The following BICD1 variants were observed in gnomAD, a reference collection of about 807,000 sequenced individuals.
BICD1 encodes the protein protein bicaudal D homolog 1.
BICD1 carries 35 observed loss-of-function variants against 92.5 expected under a neutral mutation model. That is an observed-to-expected ratio of 0.38 (90% CI 0.29 to 0.50). The LOEUF (loss-of-function observed/expected upper bound fraction) is 0.50. BICD1 is among the 20% of genes least tolerant of loss of function. The pLI is 0.93. For synonymous variants in BICD1, 429 were observed against 465.1 expected (o/e 0.92, Z 1.00); for missense variants, 950 against 1,189.8 (o/e 0.80, Z 2.97).
At chr12:32,243,169 C>T (rs1169374426) in intron 2 of BICD1, among the ~76,000 whole-genome samples, 2 of 151,422 alleles carry the variant, frequency 1.3e-5, no homozygotes, top group African/African-American at 4.9e-5. Context: ...ACGATCTTGG[C>T]TCACTGCAAC....
At chr12:32,218,601 A>G (rs376838407) in intron 2 of BICD1, among the ~76,000 whole-genome samples, 21 of 152,318 alleles carry the variant, frequency 1.4e-4, no homozygotes, top group Non-Finnish European at 2.2e-4. Context: ...TTCAATTTTT[A>G]TGCATTTTAC....
chr12:32,222,322 A>G (rs1265538760), intron 2 of BICD1, among the ~76,000 whole-genome samples: 1 of 152,238 alleles, frequency 6.6e-6, no homozygotes, highest in Admixed American at 6.5e-5. Context: ...AACAACATTT[A>G]TTGAGTGCCA....
At chr12:32,349,994 ACTC>A (rs1003415859) in intron 8 of BICD1, among the ~76,000 whole-genome samples, 1 of 151,940 alleles carries the variant, frequency 6.6e-6, no homozygotes, top group African/African-American at 2.4e-5. Flanking sequence ...AGCCACCTAA[ACTC>A]CTCTGAGGCA....
chr12:32,366,785 A>G (rs962558083), intron 8 of BICD1, among the ~76,000 whole-genome samples: 1 of 152,284 alleles, frequency 6.6e-6, no homozygotes. Context: ...GTTTGCAAAA[A>G]TCTTTTTGGA....
chr12:32,139,342 C>T (rs1031938236), intron 1 of BICD1, among the ~76,000 whole-genome samples: 3 of 152,088 alleles, frequency 2.0e-5, no homozygotes, highest in African/African-American at 7.2e-5. Context: ...TTCATGGCCT[C>T]TCCTCTAATT....
chr12:32,265,326 T>C (rs1946962138), intron 2 of BICD1, among the ~76,000 whole-genome samples: 1 of 152,254 alleles, frequency 6.6e-6, no homozygotes, highest in Middle Eastern at 3.4e-3. Flanking sequence ...CTAGAAGCAG[T>C]TCCCATGCGA....
At chr12:32,346,474 GC>G (rs1354974688) in intron 8 of BICD1, among the ~76,000 whole-genome samples, 3 of 142,634 alleles carry the variant, frequency 2.1e-5, no homozygotes, top group African/African-American at 5.1e-5. Flanking sequence ...CCAGGATTGT[GC>G]TAGTTCTTTC....
intron 2 of BICD1, among the ~76,000 whole-genome samples, chr12:32,270,610 A>G (rs926033941): frequency 6.6e-6 from 1 of 152,242 alleles, no homozygotes; most frequent in African/African-American, 2.4e-5. Flanking sequence ...GGCAATTATT[A>G]CAAGTTTTTA....
intron 8 of BICD1, among the ~76,000 whole-genome samples, chr12:32,342,997 G>C (rs989871397): frequency 7.2e-5 from 11 of 152,320 alleles, no homozygotes; most frequent in African/African-American, 2.6e-4. Context: ...GGCTGGCTCA[G>C]CTTCTGCAAC....
At chr12:32,115,238 G>A (rs914867746) in intron 1 of BICD1, among the ~76,000 whole-genome samples, 1 of 152,114 alleles carries the variant, frequency 6.6e-6, no homozygotes, top group Non-Finnish European at 1.5e-5. Flanking sequence ...AGTACTCCAA[G>A]CTAGAGAAAA....
At chr12:32,168,692 A>G (rs1207428127) in intron 1 of BICD1, among the ~76,000 whole-genome samples, 1 of 152,210 alleles carries the variant, frequency 6.6e-6, no homozygotes, top group Admixed American at 6.5e-5. Context: ...CTTGAGGGCC[A>G]GGCACGGTGG....
chr12:32,236,798 T>C (rs969160739), intron 2 of BICD1, among the ~76,000 whole-genome samples: 3 of 151,656 alleles, frequency 2.0e-5, no homozygotes, highest in Non-Finnish European at 2.9e-5. Context: ...TCATTGCCGA[T>C]ATGCAGAAAA....
intron 8 of BICD1, among the ~76,000 whole-genome samples, chr12:32,344,488 T>A (rs527350875): frequency 1.3e-5 from 2 of 151,838 alleles, no homozygotes; most frequent in South Asian, 4.2e-4. Context: ...AGGTGGAGAG[T>A]GGATTAGATG....
intron 4 of BICD1, among the ~76,000 whole-genome samples, chr12:32,314,945 T>TA (rs1429273018): frequency 6.6e-6 from 1 of 152,094 alleles, no homozygotes; most frequent in East Asian, 1.9e-4. Flanking sequence ...TATGCCCAGC[T>TA]AAAAAAACTT....
At chr12:32,368,975 T>C (rs1186413747) in intron 9 of BICD1, among the ~76,000 whole-genome samples, 1 of 152,258 alleles carries the variant, frequency 6.6e-6, no homozygotes, top group Non-Finnish European at 1.5e-5. Flanking sequence ...TCTGTGTTTC[T>C]GTTCTCTGTC....
At chr12:32,213,193 T>C (rs891886335) in intron 1 of BICD1, among the ~76,000 whole-genome samples, 7 of 152,234 alleles carry the variant, frequency 4.6e-5, no homozygotes, top group African/African-American at 1.2e-4. Flanking sequence ...TGTCACGTCT[T>C]GTTAGTCTCA....
At chr12:32,325,127 C>A (rs1480688744) in intron 4 of BICD1, among the ~76,000 whole-genome samples, 1 of 141,344 alleles carries the variant, frequency 7.1e-6, no homozygotes, top group East Asian at 2.1e-4. Flanking sequence ...GCACACCCCA[C>A]TGCACCTGGC....
At chr12:32,302,760 A>T (rs1948091444) in intron 3 of BICD1, among the ~76,000 whole-genome samples, 1 of 152,066 alleles carries the variant, frequency 6.6e-6, no homozygotes, top group South Asian at 2.1e-4. Context: ...ATGCATATTC[A>T]TGGTAGAACA....
intron 2 of BICD1, among the ~76,000 whole-genome samples, chr12:32,263,817 T>G (rs916192384): frequency 6.6e-6 from 1 of 152,204 alleles, no homozygotes; most frequent in Admixed American, 6.5e-5. Context: ...ACTATAGTTT[T>G]CTTGAAGCGA....
Sources: gnomAD v4.1 joint callset for allele counts (sites outside exome capture counted in the v4.1 genomes callset) on GRCh38, gnomAD v4.1.1 for gene constraint, MANE v1.5 for transcripts, NCBI Gene and HGNC (gene_info 2026-07-23, HGNC 2026-07-21) for gene names.